The following ADGRL3 variants were observed in gnomAD, a reference collection of about 807,000 sequenced individuals.
ADGRL3 encodes adhesion G protein-coupled receptor L3, also known as calcium-independent alpha-latrotoxin receptor 3.
ADGRL3 carries 62 observed loss-of-function variants against 153.5 expected under a neutral mutation model. The observed-to-expected ratio is 0.40, with a 90% CI of 0.33 to 0.50. The LOEUF (loss-of-function observed/expected upper bound fraction) is 0.50, where lower values mean the gene tolerates loss of function less well. Among genes scored for constraint, ADGRL3 ranks in the 20% least tolerant of loss-of-function variants. The pLI is 0.47. For missense variants in ADGRL3, 1,641 were observed against 1,859.4 expected (o/e 0.88, Z 2.16); for synonymous variants, 710 against 672.5 (o/e 1.06, Z -0.86).
At chr4:61,948,554 C>T (rs1379391710) in intron 17 of ADGRL3, among the ~76,000 whole-genome samples, 2 of 152,126 alleles carry the variant, frequency 1.3e-5, no homozygotes, top group Non-Finnish European at 2.9e-5. Flanking sequence ...CAGACCATAA[C>T]CTCATGAACA....
At chr4:61,641,220 G>A (rs1300622428) in intron 5 of ADGRL3, among the ~76,000 whole-genome samples, 5 of 151,926 alleles carry the variant, frequency 3.3e-5, no homozygotes, top group Non-Finnish European at 7.4e-5. Flanking sequence ...ATGATGTGAT[G>A]CCTACTTGGC....
chr4:61,547,452 TG>T (rs1311059172), intron 4 of ADGRL3, among the ~76,000 whole-genome samples: 4 of 152,064 alleles, frequency 2.6e-5, no homozygotes, highest in Non-Finnish European at 5.9e-5. Context: ...CACCAATGTT[TG>T]TTGCTCCCTT....
intron 2 of ADGRL3, among the ~76,000 whole-genome samples, chr4:61,408,168 G>A (rs764921117): frequency 8.6e-5 from 13 of 152,046 alleles, no homozygotes; most frequent in Non-Finnish European, 1.6e-4. Flanking sequence ...AATCTCACCA[G>A]AATTTAAACT....
chr4:61,279,334 A>G (rs2093622342), intron 1 of ADGRL3, among the ~76,000 whole-genome samples: 1 of 152,130 alleles, frequency 6.6e-6, no homozygotes, highest in South Asian at 2.1e-4. Context: ...TTCCCTGAAT[A>G]CTAGTTTAGG....
intron 1 of ADGRL3, among the ~76,000 whole-genome samples, chr4:61,258,339 C>G (rs2092194341): frequency 6.6e-6 from 1 of 152,132 alleles, no homozygotes; most frequent in Admixed American, 6.5e-5. Flanking sequence ...TAGTACCCAC[C>G]AGGATCCCCT....
intron 2 of ADGRL3, among the ~76,000 whole-genome samples, chr4:61,396,689 G>T (rs115933690): frequency 1.1e-3 from 170 of 151,968 alleles, no homozygotes; most frequent in African/African-American, 3.9e-3. Context: ...TCATCCAGGA[G>T]GGAAATCTTT....
chr4:62,003,279 T>G (rs980430322), intron 21 of ADGRL3, among the ~76,000 whole-genome samples: 1 of 152,162 alleles, frequency 6.6e-6, no homozygotes, highest in African/African-American at 2.4e-5. Flanking sequence ...AGGTTTTATA[T>G]GAGTGATAGG....
intron 9 of ADGRL3, among the ~76,000 whole-genome samples, chr4:61,836,202 A>T (rs2148931020): frequency 6.6e-6 from 1 of 152,296 alleles, no homozygotes; most frequent in African/African-American, 2.4e-5. Flanking sequence ...ACAAAGATTA[A>T]TCTCTTTAAA....
intron 1 of ADGRL3, among the ~76,000 whole-genome samples, chr4:61,214,534 G>T (rs891877068): frequency 6.6e-6 from 1 of 152,210 alleles, no homozygotes; most frequent in African/African-American, 2.4e-5. Context: ...TATAAAAGTA[G>T]ATGGGTCAGA....
intron 8 of ADGRL3, among the ~76,000 whole-genome samples, chr4:61,793,290 G>A (rs372540596): frequency 5.9e-5 from 9 of 152,206 alleles, no homozygotes; most frequent in South Asian, 2.1e-4. Context: ...CAGTTGTGGC[G>A]GCGGGCGCCT....
chr4:61,889,231 C>T (rs954997888), intron 9 of ADGRL3, among the ~76,000 whole-genome samples: 2 of 152,160 alleles, frequency 1.3e-5, no homozygotes, highest in Admixed American at 6.5e-5. Context: ...GAAATAACAT[C>T]CAAGCTAAGC....
chr4:61,760,253 G>T (rs576517790), intron 8 of ADGRL3, among the ~76,000 whole-genome samples: 2 of 152,300 alleles, frequency 1.3e-5, no homozygotes, highest in Non-Finnish European at 2.9e-5. Context: ...CCTGCCCCCA[G>T]AGGTGGAGTC....
chr4:61,926,734 A>G (rs1328241971), intron 13 of ADGRL3, among the ~76,000 whole-genome samples: 1 of 152,178 alleles, frequency 6.6e-6, no homozygotes, highest in Non-Finnish European at 1.5e-5. Context: ...GTTACTGTAT[A>G]TTGCTCTATT....
At chr4:61,784,318 GT>G (rs972273883) in intron 8 of ADGRL3, among the ~76,000 whole-genome samples, 2 of 152,170 alleles carry the variant, frequency 1.3e-5, no homozygotes, top group Non-Finnish European at 2.9e-5. Flanking sequence ...CTCTGCTTAG[GT>G]TTTTTTATTT....
At chr4:61,966,423 G>C (rs2099006838) in intron 17 of ADGRL3, among the ~76,000 whole-genome samples, 1 of 152,038 alleles carries the variant, frequency 6.6e-6, no homozygotes, top group Non-Finnish European at 1.5e-5. Flanking sequence ...CCAAGCCAAA[G>C]GTAATGACTC....
At chr4:61,302,773 G>A (rs904571309) in intron 1 of ADGRL3, among the ~76,000 whole-genome samples, 2 of 151,972 alleles carry the variant, frequency 1.3e-5, no homozygotes, top group East Asian at 3.9e-4. Flanking sequence ...TGCAAATAAG[G>A]CACATTTTAC....
At chr4:61,824,776 GA>G (rs1398988968) in intron 9 of ADGRL3, among the ~76,000 whole-genome samples, 1 of 152,154 alleles carries the variant, frequency 6.6e-6, no homozygotes, top group Non-Finnish European at 1.5e-5. Flanking sequence ...GAATCTTCTT[GA>G]ATATAACAAT....
chr4:61,820,932 A>G lies in ADGRL3; in HGVS notation c.1480+7043A>G, dbSNP rs538660306. Among the ~76,000 whole-genome samples the G allele has an allele frequency of 1.1e-4, 17 of 152,294 alleles. No homozygotes were observed. In the South Asian group the frequency reaches 1.5e-3, roughly 13 times the overall value. ...AATATATTACAGACAGAGTCACTCA[A>G]TGAAGGTGGTTGGGTGGGAATTTGT... is the stretch of plus-strand genomic sequence containing the variant. On this transcript the variant is annotated intron_variant, in intron 9 of 26. Transcript: ENST00000683033.
intron 1 of ADGRL3, among the ~76,000 whole-genome samples, chr4:61,378,037 T>C (rs2096625064): frequency 1.3e-5 from 2 of 152,060 alleles, no homozygotes; most frequent in Non-Finnish European, 1.5e-5. Context: ...TAATTCTGTT[T>C]TGGTTAGGCA....
Sources: allele counts gnomAD v4.1 joint callset (sites outside exome capture counted in the v4.1 genomes callset), GRCh38; gene constraint gnomAD v4.1.1; transcripts MANE v1.5; gene names NCBI Gene and HGNC (gene_info 2026-07-23, HGNC 2026-07-21).